Variants in SUGCT observed in about 807,000 individuals in gnomAD.
SUGCT encodes the protein succinyl-CoA:glutarate CoA-transferase.
A neutral mutation model predicts 55.0 loss-of-function variants in SUGCT; 41 were observed. That is an observed-to-expected ratio of 0.74 (90% CI 0.58 to 0.97). The LOEUF is 0.97. SUGCT is among the 50% of genes least tolerant of loss of function. The probability of loss-of-function intolerance (pLI) is 0.00; values close to 1 mark genes in which losing one functional copy is unlikely to be tolerated. For missense variants in SUGCT, 568 were observed against 547.8 expected, an observed-to-expected ratio of 1.04 and a Z score of -0.37; for synonymous variants, 187 against 200.4, an observed-to-expected ratio of 0.93 and a Z score of 0.56.
intron 12 of SUGCT, among the ~76,000 whole-genome samples, chr7:40,613,114 T>C (rs939278232): frequency 3.3e-5 from 5 of 151,650 alleles, no homozygotes; most frequent in African/African-American, 1.2e-4. Flanking sequence ...GCCTGGGCAA[T>C]GAAGCAAGAC....
intron 12 of SUGCT, among the ~76,000 whole-genome samples, chr7:40,737,281 G>C (rs538961897): frequency 1.3e-5 from 2 of 152,196 alleles, no homozygotes; most frequent in South Asian, 4.1e-4. Flanking sequence ...AAAAATGCAA[G>C]TACCAAGAGA....
At chr7:40,372,284 G>A (rs1784331701) in intron 9 of SUGCT, among the ~76,000 whole-genome samples, 1 of 151,968 alleles carries the variant, frequency 6.6e-6, no homozygotes, top group Admixed American at 6.6e-5. Context: ...ACTGATTGAG[G>A]CCATTACAAA....
chr7:40,403,490 A>G (rs1786193437), intron 9 of SUGCT, among the ~76,000 whole-genome samples: 1 of 152,204 alleles, frequency 6.6e-6, no homozygotes, highest in Non-Finnish European at 1.5e-5. Flanking sequence ...GGGGAGGAAC[A>G]TTTGTAAAAC....
chr7:40,229,667 G>T (rs1788604907), intron 6 of SUGCT, among the ~76,000 whole-genome samples: 1 of 151,078 alleles, frequency 6.6e-6, no homozygotes, highest in Admixed American at 6.6e-5. Flanking sequence ...ACAAAAATTA[G>T]CTGGGCTTGG....
chr7:40,575,129 G>GT lies in SUGCT; in HGVS notation c.1089+78743_1089+78744insT, dbSNP rs770164498. On this transcript the variant is annotated intron_variant, in intron 12 of 13. Coordinates refer to ENST00000335693, the MANE Select transcript of SUGCT (RefSeq NM_001193313.2). ...TGGGCAGGAGGGTGGCGGGGGTGGG[G>GT]GTGGAGATGGGTGAAGTTTTGGAGT... Among the ~76,000 whole-genome samples the GT allele has an allele frequency of 2.0e-3, 301 of 150,288 alleles. 1 individual carries two copies. The highest frequency in any genetic ancestry group is 6.8e-3 in the Middle Eastern group (2 of 294).
the SUGCT span, among the ~76,000 whole-genome samples, chr7:40,919,993 A>G: frequency 6.6e-6 from 1 of 151,004 alleles, no homozygotes; most frequent in Non-Finnish European, 1.5e-5. Context: ...TTCTTCCTCC[A>G]TAGTTTTTAT....
intron 12 of SUGCT, among the ~76,000 whole-genome samples, chr7:40,519,278 A>G (rs1196862590): frequency 6.6e-6 from 1 of 152,140 alleles, no homozygotes; most frequent in Non-Finnish European, 1.5e-5. Flanking sequence ...CTGGTACAGG[A>G]TAAGGACATT....
At chr7:40,880,125 A>T in the SUGCT span, among the ~76,000 whole-genome samples, 3 of 152,280 alleles carry the variant, frequency 2.0e-5, no homozygotes, top group East Asian at 3.9e-4. Context: ...AGAAACTAGG[A>T]TATTTGTTCT....
In SUGCT at chr7:40,511,688, C is replaced by G. The variant is rs191257730; in HGVS notation, c.1089+15302C>G. Among the ~76,000 whole-genome samples the G allele has an allele frequency of 3.9e-5, 6 of 152,208 alleles. No homozygotes were observed. In the East Asian group the frequency reaches 7.7e-4, roughly 20 times the overall value. The stretch of plus-strand genomic sequence containing the variant: ...AAAACAAATTTCATTTCAAATATCT[C>G]ACATTACATAAATGCAAAGACAAAG... On this transcript the variant is annotated intron_variant, in intron 12 of 13. Transcript: ENST00000335693.
chr7:40,285,661 T>G (rs917558033), intron 8 of SUGCT, among the ~76,000 whole-genome samples: 1 of 152,166 alleles, frequency 6.6e-6, no homozygotes, highest in Admixed American at 6.5e-5. Context: ...AGCTAAATGA[T>G]AAAGAAACCA....
intron 8 of SUGCT, among the ~76,000 whole-genome samples, chr7:40,281,019 A>C (rs1792915945): frequency 6.6e-6 from 1 of 152,204 alleles, no homozygotes; most frequent in African/African-American, 2.4e-5. Flanking sequence ...TCTTTCCTTC[A>C]TAAAAATATT....
chr7:40,321,163 C>T (rs1214611095), intron 9 of SUGCT, among the ~76,000 whole-genome samples: 1 of 148,470 alleles, frequency 6.7e-6, no homozygotes, highest in Non-Finnish European at 1.5e-5. Context: ...GCAACCTCTG[C>T]CTCCTCGGTT....
At chr7:40,876,653 A>G in the SUGCT span, among the ~76,000 whole-genome samples, 2 of 152,210 alleles carry the variant, frequency 1.3e-5, no homozygotes, top group African/African-American at 2.4e-5. Context: ...AAGGAAGGAA[A>G]GCTTCACCAC....
intron 11 of SUGCT, among the ~76,000 whole-genome samples, chr7:40,492,537 A>G (rs1791745239): frequency 6.6e-6 from 1 of 152,140 alleles, no homozygotes; most frequent in African/African-American, 2.4e-5. Context: ...ACAGCAGACA[A>G]GTTGCTTTGC....
At chr7:40,339,162 G>T (rs1376707602) in intron 9 of SUGCT, among the ~76,000 whole-genome samples, 1 of 152,142 alleles carries the variant, frequency 6.6e-6, no homozygotes, top group East Asian at 1.9e-4. Context: ...CCCCTACTGG[G>T]GGGTACCTCC....
At chr7:40,201,368 T>C (rs1177562352) in intron 6 of SUGCT, among the ~76,000 whole-genome samples, 2 of 152,186 alleles carry the variant, frequency 1.3e-5, no homozygotes, top group African/African-American at 4.8e-5. Context: ...ATTTTTAGAC[T>C]GAATAAATAA....
intron 6 of SUGCT, among the ~76,000 whole-genome samples, chr7:40,220,649 A>G (rs1787967355): frequency 1.3e-5 from 2 of 152,168 alleles, no homozygotes. Context: ...AAAAGTGGGA[A>G]ATTTTCTCTT....
chr7:40,983,153 T>C, the SUGCT span, among the ~76,000 whole-genome samples: 1 of 152,202 alleles, frequency 6.6e-6, no homozygotes, highest in Non-Finnish European at 1.5e-5. Context: ...TTTTTGTTAG[T>C]GTTTTATCCG....
chr7:40,300,553 G>C (rs190485215), intron 8 of SUGCT, among the ~76,000 whole-genome samples: 169 of 152,284 alleles, frequency 1.1e-3, no homozygotes, highest in African/African-American at 4.0e-3. Context: ...ATAAAATATA[G>C]TTGTGGGTAT....
Sources: gnomAD v4.1 joint callset for allele counts (sites outside exome capture counted in the v4.1 genomes callset) on GRCh38, gnomAD v4.1.1 for gene constraint, MANE v1.5 for transcripts, NCBI Gene and HGNC (gene_info 2026-07-23, HGNC 2026-07-21) for gene names.